Variants in VWA3B observed in about 807,000 individuals in gnomAD.
The protein encoded by VWA3B is von Willebrand factor A domain-containing protein 3B.
Under a neutral mutation model 158.3 loss-of-function variants are expected in VWA3B, and 138 were observed. The ratio of observed to expected loss-of-function variants is 0.87; its 90% CI spans 0.76 to 1.00. The LOEUF (loss-of-function observed/expected upper bound fraction) is 1.00. VWA3B is among the 50% of genes least tolerant of loss of function. VWA3B has a pLI of 0.00. For synonymous variants in VWA3B, 596 were observed against 587.3 expected (o/e 1.01, Z -0.21); for missense variants, 1,555 against 1,565.1 (o/e 0.99, Z 0.11).
intron 12 of VWA3B, among the ~76,000 whole-genome samples, chr2:98,203,316 CA>C (rs1056573557): frequency 2.4e-4 from 37 of 152,344 alleles, no homozygotes; most frequent in African/African-American, 8.7e-4. Context: ...ATTAGGACCA[CA>C]CTTTCTTGAT....
intron 12 of VWA3B, among the ~76,000 whole-genome samples, chr2:98,205,149 C>T (rs1682910787): frequency 6.6e-6 from 1 of 152,126 alleles, no homozygotes; most frequent in East Asian, 1.9e-4. Context: ...TCTAGTGCAA[C>T]CATATGGACA....
chr2:98,265,287 T>C (rs1220985949), intron 21 of VWA3B, among the ~76,000 whole-genome samples: 1 of 150,492 alleles, frequency 6.6e-6, no homozygotes, highest in Non-Finnish European at 1.5e-5. Context: ...AGTGAGAATA[T>C]GCGGTGTTTG....
intron 9 of VWA3B, among the ~76,000 whole-genome samples, chr2:98,185,829 A>G (rs1234298570): frequency 6.6e-6 from 1 of 152,146 alleles, no homozygotes; most frequent in African/African-American, 2.4e-5. Context: ...TTTCCAGATA[A>G]TTCGCATCAG....
At chr2:98,330,316 G>A in the VWA3B span, among the ~76,000 whole-genome samples, 2 of 152,148 alleles carry the variant, frequency 1.3e-5, no homozygotes, top group Non-Finnish European at 2.9e-5. Context: ...GTGGTCCGGA[G>A]ACTTATAGTC....
chr2:98,309,754 G>A (rs779848219), intron 26 of VWA3B, among the ~76,000 whole-genome samples: 13 of 152,122 alleles, frequency 8.5e-5, no homozygotes, highest in Non-Finnish European at 1.9e-4. Flanking sequence ...AATCTCGCCT[G>A]GTCACTCCTG....
At chr2:98,174,509 G>A (rs370063309) in intron 8 of VWA3B, among the ~76,000 whole-genome samples, 3 of 152,182 alleles carry the variant, frequency 2.0e-5, no homozygotes, top group Non-Finnish European at 2.9e-5. Context: ...CCTGGGAACC[G>A]TTGTCAAAAA....
chr2:98,206,421 G>T, intron 12 of VWA3B: 1 of 278,104 alleles, frequency 3.6e-6, no homozygotes, highest in South Asian at 6.2e-5. Context: ...ACAAGGCAGG[G>T]AGACCAGGCT....
intron 7 of VWA3B, among the ~76,000 whole-genome samples, chr2:98,138,015 A>G (rs1361348691): frequency 6.6e-6 from 1 of 152,232 alleles, no homozygotes; most frequent in Non-Finnish European, 1.5e-5. Flanking sequence ...AGGGGTACAC[A>G]TCGCATTGCT....
chr2:98,296,664 A>G (rs1485538362), intron 23 of VWA3B, among the ~76,000 whole-genome samples: 1 of 152,186 alleles, frequency 6.6e-6, no homozygotes, highest in Non-Finnish European at 1.5e-5. Flanking sequence ...CATGCCGTGG[A>G]GCCCAGCGGG....
At chr2:98,198,410 C>G (rs1458520482) in intron 12 of VWA3B, among the ~76,000 whole-genome samples, 5 of 152,072 alleles carry the variant, frequency 3.3e-5, no homozygotes, top group African/African-American at 1.2e-4. Context: ...GCTGTGAAGT[C>G]AGGTAACTTT....
chr2:98,280,512 C>T (rs1319427931), intron 22 of VWA3B, among the ~76,000 whole-genome samples: 3 of 152,192 alleles, frequency 2.0e-5, no homozygotes, highest in Admixed American at 6.5e-5. Flanking sequence ...TTTCCTGGTT[C>T]GGGGATCTGT....
intron 7 of VWA3B, among the ~76,000 whole-genome samples, chr2:98,144,693 A>C (rs913967994): frequency 4.0e-5 from 6 of 151,784 alleles, no homozygotes; most frequent in African/African-American, 1.5e-4. Context: ...CAGCCTCCCA[A>C]ATAGCTGGGC....
intron 7 of VWA3B, among the ~76,000 whole-genome samples, chr2:98,157,194 T>C (rs1341287471): frequency 6.6e-6 from 1 of 152,216 alleles, no homozygotes; most frequent in Non-Finnish European, 1.5e-5. Context: ...ATATTGAAAT[T>C]GCTTCTAAGA....
the VWA3B span, among the ~76,000 whole-genome samples, chr2:98,318,738 A>G: frequency 1.3e-5 from 2 of 152,244 alleles, no homozygotes; most frequent in African/African-American, 4.8e-5. Flanking sequence ...TAAAAAAATA[A>G]TAGTGTGGTA....
chr2:98,234,625 T>C (rs1558707549), intron 16 of VWA3B, 23 bp from the exon 17 acceptor site: 3 of 1,614,046 alleles, frequency 1.9e-6, no homozygotes, highest in Non-Finnish European at 2.5e-6. Flanking sequence ...TTCCTTTAAC[T>C]CTTCCCTCTG....
chr2:98,112,045 A>C (rs1687951711), intron 2 of VWA3B, among the ~76,000 whole-genome samples: 1 of 151,946 alleles, frequency 6.6e-6, no homozygotes, highest in Non-Finnish European at 1.5e-5. Context: ...ATTCCCTAGG[A>C]TCTTATGTTT....
At chr2:98,148,838 T>G (rs1677379250) in intron 7 of VWA3B, among the ~76,000 whole-genome samples, 1 of 152,232 alleles carries the variant, frequency 6.6e-6, no homozygotes, top group East Asian at 1.9e-4. Context: ...CTCTTTCTAG[T>G]CTGAGGTTGG....
chr2:98,089,510 T>TG (rs1682118345), intron 1 of VWA3B, among the ~76,000 whole-genome samples: 1 of 92,952 alleles, frequency 1.1e-5, no homozygotes, highest in African/African-American at 4.2e-5. Flanking sequence ...GGCGGGCTAG[T>TG]GGGGGTGGGG....
chr2:98,214,391 G>C (rs1683798910), intron 13 of VWA3B, among the ~76,000 whole-genome samples: 1 of 151,926 alleles, frequency 6.6e-6, no homozygotes, highest in African/African-American at 2.4e-5. Context: ...AATAAAACTT[G>C]TACCTTAAAG....
Sources: gnomAD v4.1 joint callset for allele counts (sites outside exome capture counted in the v4.1 genomes callset) on GRCh38, gnomAD v4.1.1 for gene constraint, MANE v1.5 for transcripts, NCBI Gene and HGNC (gene_info 2026-07-23, HGNC 2026-07-21) for gene names.